The following CACNA1D variants were observed in gnomAD, a reference collection of about 807,000 sequenced individuals.
The protein encoded by CACNA1D is voltage-dependent L-type calcium channel subunit alpha-1D.
A neutral mutation model predicts 257.1 loss-of-function variants in CACNA1D; 55 were observed. That is an observed-to-expected ratio of 0.21 (90% CI 0.17 to 0.27). The LOEUF (loss-of-function observed/expected upper bound fraction) is 0.27. CACNA1D is among the 10% of genes least tolerant of loss of function. The pLI is 1.00. For missense variants in CACNA1D, 1,876 were observed against 2,784.0 expected (o/e 0.67, Z 7.34); for synonymous variants, 980 against 1,014.9 (o/e 0.97, Z 0.65).
chr3:53,499,649 C>T (rs1035365904), intron 2 of CACNA1D, among the ~76,000 whole-genome samples: 6 of 152,112 alleles, frequency 3.9e-5, no homozygotes, highest in African/African-American at 1.2e-4. Flanking sequence ...AAAAATACAA[C>T]TTATATTTAG....
intron 3 of CACNA1D, among the ~76,000 whole-genome samples, chr3:53,639,616 G>A (rs575907212): frequency 5.9e-5 from 9 of 152,232 alleles, no homozygotes; most frequent in Middle Eastern, 3.4e-3. Context: ...TCCATCTCCT[G>A]ACCTCATGAT....
chr3:53,554,507 C>A (rs1251578306), intron 3 of CACNA1D, among the ~76,000 whole-genome samples: 2 of 152,204 alleles, frequency 1.3e-5, no homozygotes, highest in African/African-American at 4.8e-5. Context: ...CTCCCTTCTT[C>A]GTGCCACCAC....
intron 3 of CACNA1D, among the ~76,000 whole-genome samples, chr3:53,569,242 A>T (rs1289350053): frequency 1.3e-5 from 2 of 152,086 alleles, no homozygotes; most frequent in African/African-American, 4.8e-5. Flanking sequence ...CTAACATCTC[A>T]TGCATCTCCA....
intron 3 of CACNA1D, among the ~76,000 whole-genome samples, chr3:53,572,370 GTTTGTTTATTTATTTA>G (rs1391002928): frequency 1.2e-3 from 166 of 133,864 alleles, no homozygotes; most frequent in African/African-American, 4.9e-3. Context: ...TTGTTTGTTT[GTTTGTTTATTTATTTA>G]TTTATTTATT....
intron 3 of CACNA1D, among the ~76,000 whole-genome samples, chr3:53,604,019 C>A (rs949206837): frequency 1.3e-5 from 2 of 152,212 alleles, no homozygotes; most frequent in East Asian, 3.8e-4. Flanking sequence ...CATAAATTTT[C>A]ATTAGGTAAT....
At position 53,495,101 on chromosome 3, in the gene CACNA1D, T is replaced by TG; in HGVS notation, c.-66_-65insG. Reference sequence around the variant, plus strand: ...ACCTCTTGGTGATCCCCTTCCCCATTCCGCCCCCGCCTCAACGCCCAGCAC... The same window carrying TG: ...ACCTCTTGGTGATCCCCTTCCCCATTGCCGCCCCCGCCTCAACGCCCAGCAC... On this transcript the variant is annotated 5_prime_UTR_variant, in exon 1 of 48. Coordinates refer to ENST00000350061, the MANE Select transcript of CACNA1D (RefSeq NM_001128840.3). This position sits in a 1 kb window ranked among gnomAD's most constrained non-coding sequence, Gnocchi z 5.1. 1 of 1,290,192 alleles carries TG rather than the reference T, an allele frequency of 7.8e-7. No homozygotes were observed. Among genetic ancestry groups the TG allele is most frequent in the Non-Finnish European group, 1.1e-6 (1 of 907,042 alleles). 79.9% of individuals were successfully genotyped at this position (1,290,192 alleles called of 1,614,324 possible).
chr3:53,625,916 C>CT (rs1305537866), intron 3 of CACNA1D, among the ~76,000 whole-genome samples: 1 of 152,176 alleles, frequency 6.6e-6, no homozygotes, highest in African/African-American at 2.4e-5. Flanking sequence ...TGTGGTCCAA[C>CT]TTTCTGCCTT....
intron 9 of CACNA1D, among the ~76,000 whole-genome samples, chr3:53,712,062 A>G (rs2633727): frequency 0.9 from 137,065 of 152,262 alleles, 61,896 homozygotes; most frequent in East Asian, 1. Context: ...CTGACATAGG[A>G]ATATAGCTCT....
At chr3:53,627,380 AC>A (rs2093771209) in intron 3 of CACNA1D, among the ~76,000 whole-genome samples, 1 of 152,206 alleles carries the variant, frequency 6.6e-6, no homozygotes, top group Non-Finnish European at 1.5e-5. Context: ...CTGTCCTAGC[AC>A]AGGCGAGCGG....
chr3:53,632,292 A>G (rs2093830145), intron 3 of CACNA1D, among the ~76,000 whole-genome samples: 1 of 152,214 alleles, frequency 6.6e-6, no homozygotes, highest in African/African-American at 2.4e-5. Flanking sequence ...CTTAAAACTT[A>G]TGAACTAAGC....
chr3:53,696,216 C>T (rs1224487722), intron 8 of CACNA1D, among the ~76,000 whole-genome samples: 1 of 152,258 alleles, frequency 6.6e-6, no homozygotes. Context: ...AATCCTCCCA[C>T]CATCACCTCC....
chr3:53,573,115 C>G (rs986685978), intron 3 of CACNA1D, among the ~76,000 whole-genome samples: 1 of 152,294 alleles, frequency 6.6e-6, no homozygotes, highest in Middle Eastern at 3.4e-3. Context: ...CTCTGTTAGG[C>G]CTTCATGGAT....
intron 8 of CACNA1D, among the ~76,000 whole-genome samples, chr3:53,689,708 C>G (rs1451163930): frequency 6.6e-6 from 1 of 152,118 alleles, no homozygotes; most frequent in Non-Finnish European, 1.5e-5. Flanking sequence ...ACCCAGGCAG[C>G]AGTGCAATGG....
chr3:53,714,326 C>T (rs542496086), intron 9 of CACNA1D, among the ~76,000 whole-genome samples: 1 of 152,250 alleles, frequency 6.6e-6, no homozygotes, highest in East Asian at 1.9e-4. Context: ...ACACTGAATC[C>T]CTGCTGAAGG....
chr3:53,626,844 C>G (rs1437350587), intron 3 of CACNA1D, among the ~76,000 whole-genome samples: 4 of 152,194 alleles, frequency 2.6e-5, no homozygotes, highest in Non-Finnish European at 5.9e-5. Flanking sequence ...TAGATGACCT[C>G]TTGGGCAGAC....
At chr3:53,519,123 G>T (rs1285989747) in intron 3 of CACNA1D, among the ~76,000 whole-genome samples, 1 of 152,174 alleles carries the variant, frequency 6.6e-6, no homozygotes, top group Non-Finnish European at 1.5e-5. Context: ...TTACCTCAGA[G>T]TAAAGAGACT....
rs1367872089 is a variant in CACNA1D, at chr3:53,793,427, CT to C, written c.4923+6476del. On this transcript the variant is annotated intron_variant, in intron 40 of 47. Transcript: ENST00000350061. This position sits in a 1 kb window ranked among gnomAD's most constrained non-coding sequence, Gnocchi z 4.1. ...CTGAAGGATGGCACGTGCCTACCCC[CT>C]GTATGTGTCACTCTGTCTCAGAGGG... Among the ~76,000 whole-genome samples, 1 of 152,236 alleles carries C rather than the reference CT, an allele frequency of 6.6e-6. No homozygotes were observed. Among genetic ancestry groups the C allele is most frequent in the East Asian group, 1.9e-4 (1 of 5,206 alleles).
intron 40 of CACNA1D, among the ~76,000 whole-genome samples, chr3:53,797,177 G>A (rs1266974318): frequency 6.6e-6 from 1 of 152,090 alleles, no homozygotes; most frequent in African/African-American, 2.4e-5. Context: ...TGGAATTTTG[G>A]GAGCAGCCTA....
At chr3:53,741,033 G>C (rs73092060) in intron 21 of CACNA1D, among the ~76,000 whole-genome samples, 1 of 152,196 alleles carries the variant, frequency 6.6e-6, no homozygotes, top group Non-Finnish European at 1.5e-5. Flanking sequence ...CTTTGGCCGG[G>C]GTGACCTAAA....
Sources: gnomAD v4.1 joint callset for allele counts (sites outside exome capture counted in the v4.1 genomes callset) on GRCh38, gnomAD v4.1.1 for gene constraint, Gnocchi (gnomAD v3.1) non-coding constraint, MANE v1.5 for transcripts, NCBI Gene and HGNC (gene_info 2026-07-23, HGNC 2026-07-21) for gene names.